The following WAC variants were observed in gnomAD, a reference collection of about 807,000 sequenced individuals.
WAC encodes the protein WW domain-containing adapter protein with coiled-coil.
Under a neutral mutation model 79.6 loss-of-function variants are expected in WAC, and 11 were observed. The ratio of observed to expected loss-of-function variants is 0.14; its 90% CI spans 0.09 to 0.23. The LOEUF (loss-of-function observed/expected upper bound fraction) is 0.23. Among genes scored for constraint, WAC ranks in the 10% least tolerant of loss-of-function variants. WAC has a pLI of 1.00. For missense variants in WAC, 728 were observed against 773.5 expected (o/e 0.94, Z 0.70); for synonymous variants, 304 against 276.9 (o/e 1.10, Z -0.97).
intron 10 of WAC, among the ~76,000 whole-genome samples, chr10:28,612,226 CCAAAAGACATGAA>C (rs1841275635): frequency 6.6e-6 from 1 of 152,144 alleles, no homozygotes; most frequent in Non-Finnish European, 1.5e-5. Flanking sequence ...TTTTCAAACT[CCAAAAGACATGAA>C]TGAACATGTT....
At chr10:28,578,349 C>G (rs1373444960) in intron 3 of WAC, among the ~76,000 whole-genome samples, 2 of 152,232 alleles carry the variant, frequency 1.3e-5, no homozygotes, top group South Asian at 2.1e-4. Flanking sequence ...ATTTAGTATA[C>G]AGATATACCT....
intron 3 of WAC, among the ~76,000 whole-genome samples, chr10:28,540,509 CAG>C (rs1836951913): frequency 1.3e-5 from 2 of 152,224 alleles, no homozygotes; most frequent in South Asian, 2.1e-4. Context: ...GTTATCACAT[CAG>C]TGTTTTATTT....
chr10:28,550,015 A>C (rs1397105868), intron 3 of WAC, among the ~76,000 whole-genome samples: 1 of 152,056 alleles, frequency 6.6e-6, no homozygotes, highest in East Asian at 1.9e-4. Flanking sequence ...AAATACAAAA[A>C]GTTAGCTGGG....
At chr10:28,585,366 A>C (rs1839764717) in intron 4 of WAC, among the ~76,000 whole-genome samples, 1 of 152,088 alleles carries the variant, frequency 6.6e-6, no homozygotes, top group Admixed American at 6.6e-5. Flanking sequence ...TCATTCGTCT[A>C]ATGCTTCTAA....
At position 28,611,806 on chromosome 10, in the gene WAC, A is replaced by T; in HGVS notation, c.1321A>T (p.Thr441Ser). The change falls in exon 10 of 14, where the codon ACA becomes TCA. Residue 441 changes from threonine to serine, a missense_variant. By Grantham distance (58) the Thr-to-Ser change is moderately conservative. Coordinates refer to ENST00000354911, the MANE Select transcript of WAC (RefSeq NM_016628.5). ...ATCTAATCAGTCTCCGATGTCTTTA[A>T]CATCTGATGCGTCATCCCCAAGATC... ...QPSNQSPMSL[T>S]SDASSPRSYV... The T allele has an allele frequency of 6.2e-7, 1 of 1,614,138 alleles. No individual in the cohort carries two copies. The highest frequency in any genetic ancestry group is 8.5e-7 in the Non-Finnish European group (1 of 1,180,002).
intron 3 of WAC, among the ~76,000 whole-genome samples, chr10:28,567,726 T>A (rs1298275497): frequency 6.6e-6 from 1 of 152,202 alleles, no homozygotes; most frequent in Non-Finnish European, 1.5e-5. Context: ...TGTACCTTCC[T>A]GCATTTCAGT....
intron 7 of WAC, among the ~76,000 whole-genome samples, chr10:28,597,054 TACA>T (rs1252368511): frequency 2.6e-5 from 4 of 151,650 alleles, no homozygotes; most frequent in African/African-American, 9.8e-5. Flanking sequence ...ATTTTCTTAT[TACA>T]TGTTATATGC....
intron 4 of WAC, among the ~76,000 whole-genome samples, chr10:28,587,653 C>T (rs754130889): frequency 1.8e-4 from 27 of 152,188 alleles, no homozygotes; most frequent in Non-Finnish European, 3.2e-4. Context: ...TGCACATCGG[C>T]ATTGTAAAAA....
Position 28,621,124 on chromosome 10 carries a change from C to G in WAC, c.*1518C>G, listed in dbSNP as rs568976266. 26 of 151,488 alleles carry G rather than the reference C, an allele frequency of 1.7e-4. No homozygotes were observed. Among genetic ancestry groups the G allele is most frequent in the African/African-American group, 6.0e-4 (25 of 41,366 alleles). The allele number at this position is 151,488 out of a possible 1,614,324, so 9.4% of individuals were successfully genotyped here. A position where few individuals can be genotyped will look rare whatever the true frequency, so the allele number is the denominator to read the frequency against. On this transcript the variant is annotated 3_prime_UTR_variant, in exon 14 of 14. Transcript: ENST00000354911. Reference sequence around the variant, plus strand: ...ATCTTTTCTTCCCCCACAAAAAAACCTTTACCATCAAAATCTTGCCATCTG... The same window carrying G: ...ATCTTTTCTTCCCCCACAAAAAAACGTTTACCATCAAAATCTTGCCATCTG...
At chr10:28,614,742 A>G in intron 11 of WAC, 57 bp downstream of exon 11, 2 of 1,305,904 alleles carry the variant, frequency 1.5e-6, no homozygotes, top group Non-Finnish European at 2.2e-6. Flanking sequence ...GGTACACTGC[A>G]TTGTTTGAAT....
chr10:28,535,842 A>C, intron 3 of WAC, 85 bp downstream of exon 3: 1 of 1,176,322 alleles, frequency 8.5e-7, no homozygotes, highest in Non-Finnish European at 1.2e-6. Flanking sequence ...TCTAGCTTGA[A>C]GAAGTTACTG....
At chr10:28,554,512 A>G (rs1027153387) in intron 3 of WAC, among the ~76,000 whole-genome samples, 4 of 151,972 alleles carry the variant, frequency 2.6e-5, no homozygotes, top group African/African-American at 9.7e-5. Flanking sequence ...TGCTTAGCTC[A>G]TTGTTCTCCC....
At position 28,620,809 on chromosome 10, in the gene WAC, G is replaced by A. The variant is rs1405759967; in HGVS notation, c.*1203G>A. ...TCTTGCTATTATGACATTTCATTTG[G>A]AAGGATGTTTGTGTTGTAGCTAACT... is the stretch of plus-strand genomic sequence containing the variant. On this transcript the variant is annotated 3_prime_UTR_variant, in exon 14 of 14. Coordinates refer to ENST00000354911, the MANE Select transcript of WAC (RefSeq NM_016628.5). 6.6e-6 allele frequency: 1 copy of A among 152,182 alleles called. No homozygotes were observed. Among genetic ancestry groups the A allele is most frequent in the African/African-American group, 2.4e-5 (1 of 41,450 alleles). The allele number at this position is 152,182 out of a possible 1,614,324, so 9.4% of individuals were successfully genotyped here. A position where few individuals can be genotyped will look rare whatever the true frequency, so the allele number is the denominator to read the frequency against.
In WAC at chr10:28,535,856, A is replaced by G; in HGVS notation, c.274+99A>G. On this transcript the variant is annotated intron_variant, in intron 3 of 13. Transcript: ENST00000354911. Reference sequence around the variant, plus strand: ...TTCTAGCTTGAAGAAGTTACTGTTCAGTTATGTCATTAAAATATTTTAATC... The same window carrying G: ...TTCTAGCTTGAAGAAGTTACTGTTCGGTTATGTCATTAAAATATTTTAATC... 10 of 1,010,854 alleles carry G rather than the reference A, an allele frequency of 9.9e-6. No individual in the cohort carries two copies. In the South Asian group the frequency reaches 1.8e-4, roughly 19 times the overall value. 62.6% of individuals were successfully genotyped at this position (1,010,854 alleles called of 1,614,324 possible). A position where few individuals can be genotyped will look rare whatever the true frequency, so the allele number is the denominator to read the frequency against.
chr10:28,615,951 T>TTAACAC (rs1841447900), intron 11 of WAC: 5 of 415,464 alleles, frequency 1.2e-5, no homozygotes, highest in Admixed American at 4.0e-5. Context: ...AGTTTACATT[T>TTAACAC]GACTCTGACA....
intron 3 of WAC, among the ~76,000 whole-genome samples, chr10:28,568,945 G>T (rs997234899): frequency 3.3e-5 from 5 of 152,098 alleles, no homozygotes; most frequent in African/African-American, 1.2e-4. Context: ...ATGTCCCTGT[G>T]ATTACATACA....
chr10:28,542,100 C>T (rs1837084994), intron 3 of WAC, among the ~76,000 whole-genome samples: 1 of 152,194 alleles, frequency 6.6e-6, no homozygotes, highest in African/African-American at 2.4e-5. Flanking sequence ...ACTGGCCCTG[C>T]AGGCAGAAGT....
chr10:28,589,517 A>G lies in WAC; in HGVS notation c.382-219A>G, dbSNP rs559162899. On this transcript the variant is annotated intron_variant, in intron 4 of 13. Transcript: ENST00000354911. The stretch of plus-strand genomic sequence containing the variant: ...TTTTCTTTCTGTGCCTAACAATCTA[A>G]TTTTTATTCTGCTTAATTTTGATAT... 3.8e-5 allele frequency: 10 copies of G among 266,276 alleles called. No homozygotes were observed. The Admixed American group carries it at 4.3e-4, about 11-fold the overall frequency. 16.5% of individuals were successfully genotyped at this position (266,276 alleles called of 1,614,324 possible).
intron 2 of WAC, 109 bp from the exon 3 acceptor site, chr10:28,535,453 T>C (rs779294712): frequency 1.2e-5 from 16 of 1,340,158 alleles, no homozygotes; most frequent in African/African-American, 1.5e-5. Context: ...AAATTTTAAT[T>C]TTGTAAGTTC....
Sources: gnomAD v4.1 joint callset for allele counts (sites outside exome capture counted in the v4.1 genomes callset) on GRCh38, gnomAD v4.1.1 for gene constraint, MANE v1.5 for transcripts, NCBI Gene and HGNC (gene_info 2026-07-23, HGNC 2026-07-21) for gene names.